The following VAMP7 variants were observed in gnomAD, a reference collection of about 807,000 sequenced individuals.
VAMP7 encodes vesicle associated membrane protein 7.
In VAMP7, 14 loss-of-function variants were observed where a neutral mutation model predicts 29.6. The observed-to-expected ratio is 0.47, with a 90% confidence interval of 0.31 to 0.74. VAMP7 has a LOEUF of 0.74. Ranked by LOEUF, VAMP7 falls within the 30% of genes least tolerant of loss-of-function variation. The pLI is 0.05. For missense variants in VAMP7, 223 were observed against 262.4 expected, an observed-to-expected ratio of 0.85 and a Z score of 1.04; for synonymous variants, 95 against 88.1, an observed-to-expected ratio of 1.08 and a Z score of -0.44.
At chrX:155,912,872 A>G (rs2066257874) in intron 5 of VAMP7, among the ~76,000 whole-genome samples, 1 of 152,168 alleles carries the variant, frequency 6.6e-6, no homozygotes, top group Non-Finnish European at 1.5e-5. Flanking sequence ...TTGGGTATAT[A>G]CCCAATAATG....
At chrX:155,881,656 G>A (rs1446037351) in intron 1 of VAMP7, among the ~76,000 whole-genome samples, 2 of 152,140 alleles carry the variant, frequency 1.3e-5, no homozygotes, top group Non-Finnish European at 2.9e-5. Context: ...GTTAAAGAGT[G>A]TCAGAATGCG....
rs185531103 is a variant in VAMP7 at position 155,910,364 on chromosome X, C to T, written c.434-9449C>T. Among the ~76,000 whole-genome samples, 754 of 152,270 alleles carry T rather than the reference C, an allele frequency of 5.0e-3. 6 individuals are homozygous for T. Among genetic ancestry groups the T allele is most frequent in the Non-Finnish European group, 8.4e-3 (572 of 68,022 alleles). Reference sequence around the variant, plus strand: ...CTTTATCCATTCATCCATTCATGGACACTTAGGTTGACTCCATATCTTTGC... The same window carrying T: ...CTTTATCCATTCATCCATTCATGGATACTTAGGTTGACTCCATATCTTTGC... On this transcript the variant is annotated intron_variant, in intron 5 of 7. Transcript: ENST00000286448.
intron 5 of VAMP7, among the ~76,000 whole-genome samples, chrX:155,912,264 ATTTTCC>A (rs1192257750): frequency 1.3e-5 from 2 of 152,096 alleles, no homozygotes; most frequent in Non-Finnish European, 2.9e-5. Flanking sequence ...AGAATATCCT[ATTTTCC>A]TTTTGAGCTA....
chrX:155,937,574 AAAAT>A (rs1263498360), intron 6 of VAMP7, among the ~76,000 whole-genome samples: 13 of 152,212 alleles, frequency 8.5e-5, no homozygotes, highest in African/African-American at 1.7e-4. Flanking sequence ...AAGGCAGAAA[AAAAT>A]AAAATTAGAG....
At chrX:155,906,444 G>T (rs1310004834) in intron 5 of VAMP7, among the ~76,000 whole-genome samples, 1 of 152,060 alleles carries the variant, frequency 6.6e-6, no homozygotes, top group Non-Finnish European at 1.5e-5. Context: ...CCCCTCCATT[G>T]TGATAGCCTT....
chrX:155,900,650 TC>T, intron 5 of VAMP7, 63 bp downstream of exon 5: 4 of 1,433,864 alleles, frequency 2.8e-6, no homozygotes, highest in Middle Eastern at 1.8e-4. Flanking sequence ...TTGACTGGGG[TC>T]AAATTATTCT....
rs2066757000 is a variant in VAMP7, at chrX:155,942,264, C to G, written c.*313C>G. The G allele has an allele frequency of 4.0e-6, 5 of 1,245,668 alleles. No homozygotes were observed. The East Asian group carries it at 1.3e-4, about 32-fold the overall frequency. The allele number at this position is 1,245,668 out of a possible 1,614,324, so 77.2% of individuals were successfully genotyped here. On this transcript the variant is annotated 3_prime_UTR_variant, in exon 8 of 8. Transcript: ENST00000286448. ...TGTTTTTAATTGCTCAAAGCTGTCGCCGCTAGTCTTATGAGCTATCTACTA... is the reference window on the plus strand; with the variant it reads ...TGTTTTTAATTGCTCAAAGCTGTCGGCGCTAGTCTTATGAGCTATCTACTA...
In VAMP7 at chrX:155,898,100, A is replaced by T; in HGVS notation, c.205-12A>T. The T allele has an allele frequency of 5.0e-6, 8 of 1,611,890 alleles. No individual in the cohort carries two copies. Among genetic ancestry groups the T allele is most frequent in the Non-Finnish European group, 6.8e-6 (8 of 1,179,130 alleles). ...CTTTCTAAATGTGAGTTCTGTGTTG[A>T]TCTCTTTTCAGGATTTTGAACGTTC... is the stretch of plus-strand genomic sequence containing the variant. On this transcript the variant is annotated splice_polypyrimidine_tract_variant and intron_variant, in intron 3 of 7. Coordinates refer to ENST00000286448, the MANE Select transcript of VAMP7 (RefSeq NM_005638.6).
intron 6 of VAMP7, among the ~76,000 whole-genome samples, chrX:155,928,559 G>A (rs988104852): frequency 9.2e-5 from 14 of 152,198 alleles, no homozygotes; most frequent in Admixed American, 9.2e-4. Context: ...TCCTTTGCAT[G>A]TGTGTCAAGC....
intron 6 of VAMP7, among the ~76,000 whole-genome samples, chrX:155,927,481 C>CAAAA (rs531998416): frequency 9.0e-5 from 10 of 111,602 alleles, no homozygotes; most frequent in African/African-American, 2.9e-4. Context: ...TTCGATTTGC[C>CAAAA]AAAAAAAAAA....
chrX:155,942,228 A>T lies in VAMP7; in HGVS notation c.*277A>T. 6.8e-7 allele frequency: 1 copy of T among 1,472,142 alleles called. No homozygotes were observed. Among genetic ancestry groups the T allele is most frequent in the Non-Finnish European group, 9.0e-7 (1 of 1,107,326 alleles). 91.2% of individuals were successfully genotyped at this position (1,472,142 alleles called of 1,614,324 possible). A position where few individuals can be genotyped will look rare whatever the true frequency, so the allele number is the denominator to read the frequency against. On this transcript the variant is annotated 3_prime_UTR_variant, in exon 8 of 8. Transcript: ENST00000286448. Reference sequence around the variant, plus strand: ...TTGTTAACTAGTGTCATCTATTTAGAGAAACATTTTTGTTTTTAATTGCTC... The same window carrying T: ...TTGTTAACTAGTGTCATCTATTTAGTGAAACATTTTTGTTTTTAATTGCTC...
At chrX:155,912,204 AT>A (rs199534191) in intron 5 of VAMP7, among the ~76,000 whole-genome samples, 154 of 151,800 alleles carry the variant, frequency 1.0e-3, no homozygotes, top group African/African-American at 3.5e-3. Flanking sequence ...GAGATGTTGA[AT>A]TTTTTTTGAT....
In VAMP7 at chrX:155,942,201, G is replaced by A; in HGVS notation, c.*250G>A. On this transcript the variant is annotated 3_prime_UTR_variant, in exon 8 of 8. Coordinates refer to ENST00000286448, the MANE Select transcript of VAMP7 (RefSeq NM_005638.6). ...AAAAAGGCTTTTGTTTATTTCTTTG[G>A]TTTGTTAACTAGTGTCATCTATTTA... 6.6e-7 allele frequency: 1 copy of A among 1,522,056 alleles called. No homozygotes were observed. Among genetic ancestry groups the A allele is most frequent in the Non-Finnish European group, 8.8e-7 (1 of 1,133,390 alleles). The allele number at this position is 1,522,056 out of a possible 1,614,324, so 94.3% of individuals were successfully genotyped here. A position where few individuals can be genotyped will look rare whatever the true frequency, so the allele number is the denominator to read the frequency against.
intron 2 of VAMP7, among the ~76,000 whole-genome samples, chrX:155,892,624 T>C (rs940934761): frequency 6.6e-6 from 1 of 152,180 alleles, no homozygotes; most frequent in East Asian, 1.9e-4. Context: ...TGAGCTTAGA[T>C]GTTTCCTTTT....
chrX:155,925,174 G>A (rs1383577199), intron 6 of VAMP7, among the ~76,000 whole-genome samples: 1 of 152,004 alleles, frequency 6.6e-6, no homozygotes, highest in Admixed American at 6.6e-5. Flanking sequence ...GTTGTAATCA[G>A]TTTCTTCCAA....
At chrX:155,898,329 G>T in intron 4 of VAMP7, 80 bp downstream of exon 4, 1 of 1,514,406 alleles carries the variant, frequency 6.6e-7, no homozygotes, top group South Asian at 1.3e-5. Flanking sequence ...AGGGGGCCCT[G>T]ACCTGCAATA....
At chrX:155,900,896 T>A (rs1358675138) in intron 5 of VAMP7, among the ~76,000 whole-genome samples, 1 of 152,104 alleles carries the variant, frequency 6.6e-6, no homozygotes, top group Non-Finnish European at 1.5e-5. Flanking sequence ...AGTTAATGTA[T>A]CACGGGTTAC....
intron 1 of VAMP7, among the ~76,000 whole-genome samples, chrX:155,884,593 T>C (rs1602894529): frequency 6.6e-6 from 1 of 152,224 alleles, no homozygotes. Context: ...CAGATACTTC[T>C]AAGATGTAAA....
At chrX:155,901,527 C>T (rs1280643715) in intron 5 of VAMP7, among the ~76,000 whole-genome samples, 1 of 151,992 alleles carries the variant, frequency 6.6e-6, no homozygotes, top group Non-Finnish European at 1.5e-5. Context: ...CAAATTTAAT[C>T]CATCTTGAAT....
Sources: gnomAD v4.1 joint callset for allele counts (sites outside exome capture counted in the v4.1 genomes callset) on GRCh38, gnomAD v4.1.1 for gene constraint, MANE v1.5 for transcripts, NCBI Gene and HGNC (gene_info 2026-07-23, HGNC 2026-07-21) for gene names.